The following ZNF385D variants were observed in gnomAD, a reference collection of about 807,000 sequenced individuals.
The protein encoded by ZNF385D is zinc finger protein 659.
ZNF385D carries 15 observed loss-of-function variants against 35.8 expected under a neutral mutation model. That is an observed-to-expected ratio of 0.42 (90% CI 0.28 to 0.64). The LOEUF is 0.64. ZNF385D is among the 30% of genes least tolerant of loss of function. The pLI, the probability that ZNF385D is intolerant of heterozygous loss-of-function variation, is 0.23. For missense variants in ZNF385D, 474 were observed against 494.6 expected (o/e 0.96, Z 0.39); for synonymous variants, 212 against 186.8 (o/e 1.13, Z -1.10).
intron 4 of ZNF385D, among the ~76,000 whole-genome samples, chr3:21,492,797 A>AAATAAAT (rs1470068124): frequency 1.3e-5 from 2 of 150,926 alleles, no homozygotes; most frequent in African/African-American, 4.9e-5. Flanking sequence ...ATAAATAAAT[A>AAATAAAT]AATAAATAAA....
intron 2 of ZNF385D, among the ~76,000 whole-genome samples, chr3:22,236,772 ATGCTGGGCAT>A (rs1699207460): frequency 6.6e-6 from 1 of 152,144 alleles, no homozygotes; most frequent in Non-Finnish European, 1.5e-5. Context: ...AGATTGGTTT[ATGCTGGGCAT>A]TTTATATAAA....
intron 3 of ZNF385D, among the ~76,000 whole-genome samples, chr3:21,779,701 G>T (rs541334547): frequency 2.0e-5 from 3 of 151,930 alleles, no homozygotes; most frequent in Admixed American, 6.6e-5. Context: ...CATTTACTAT[G>T]GTACAGTAAA....
At chr3:21,882,744 G>A (rs1031941451) in intron 3 of ZNF385D, among the ~76,000 whole-genome samples, 1 of 151,930 alleles carries the variant, frequency 6.6e-6, no homozygotes, top group Non-Finnish European at 1.5e-5. Flanking sequence ...TAATAATTTA[G>A]CTTTCAATTT....
At chr3:21,925,022 G>A (rs1278634757) in intron 3 of ZNF385D, among the ~76,000 whole-genome samples, 5 of 152,086 alleles carry the variant, frequency 3.3e-5, no homozygotes, top group Admixed American at 1.3e-4. Flanking sequence ...AAAATAAGTG[G>A]AGGTACATAC....
chr3:21,923,531 C>G (rs1575926093), intron 3 of ZNF385D, among the ~76,000 whole-genome samples: 1 of 152,106 alleles, frequency 6.6e-6, no homozygotes, highest in South Asian at 2.1e-4. Context: ...GAAAACAAAT[C>G]ATTCTATCAA....
intron 2 of ZNF385D, among the ~76,000 whole-genome samples, chr3:22,338,307 T>G (rs563700196): frequency 3.9e-5 from 6 of 152,174 alleles, no homozygotes; most frequent in Non-Finnish European, 2.9e-5. Context: ...AAGATTTTGG[T>G]GAGTATATGA....
At chr3:22,073,214 A>C (rs1164628075) in intron 3 of ZNF385D, among the ~76,000 whole-genome samples, 1 of 152,002 alleles carries the variant, frequency 6.6e-6, no homozygotes, top group African/African-American at 2.4e-5. Flanking sequence ...CAAATAATTA[A>C]TTAAAATCAT....
chr3:22,334,549 T>G (rs1007066456), intron 2 of ZNF385D, among the ~76,000 whole-genome samples: 3 of 152,156 alleles, frequency 2.0e-5, no homozygotes, highest in African/African-American at 7.2e-5. Flanking sequence ...GTGCGTGTTC[T>G]GGTGATGAAT....
At chr3:21,536,904 A>G (rs1485551721) in intron 3 of ZNF385D, among the ~76,000 whole-genome samples, 1 of 151,936 alleles carries the variant, frequency 6.6e-6, no homozygotes, top group Non-Finnish European at 1.5e-5. Context: ...CAGAGAGAAG[A>G]GTCACTGCAA....
chr3:21,904,374 T>C lies in ZNF385D; in HGVS notation c.326-239346A>G, dbSNP rs139183698. On this transcript the variant is annotated intron_variant, in intron 3 of 5. Transcript: ENST00000494108. The stretch of plus-strand genomic sequence containing the variant: ...ATGCATTTTAACTATGAAGAGTATA[T>C]ATTTTTCTGCTTGTTTCAACAAAAT... Among the ~76,000 whole-genome samples, 140 of 150,746 alleles carry C rather than the reference T, an allele frequency of 9.3e-4. 1 individual carries two copies. Among genetic ancestry groups the C allele is most frequent in the African/African-American group, 3.0e-3 (123 of 41,022 alleles).
intron 3 of ZNF385D, among the ~76,000 whole-genome samples, chr3:21,876,589 G>T (rs1418603436): frequency 6.6e-6 from 1 of 151,846 alleles, no homozygotes; most frequent in Non-Finnish European, 1.5e-5. Flanking sequence ...TATGTCTCAT[G>T]CCTTGTGCTC....
intron 4 of ZNF385D, among the ~76,000 whole-genome samples, chr3:21,448,463 A>T (rs1328713250): frequency 6.6e-6 from 1 of 152,162 alleles, no homozygotes; most frequent in African/African-American, 2.4e-5. Context: ...TGATTTCTTG[A>T]TAGAATTTCT....
In ZNF385D at chr3:21,680,738, G is replaced by A. The variant is rs139042584; in HGVS notation, c.23-15710C>T. 4.6e-5 allele frequency among the ~76,000 whole-genome samples: 7 copies of A among 152,198 alleles called. No individual in the cohort carries two copies. The East Asian group carries it at 7.7e-4, about 17-fold the overall frequency. On this transcript the variant is annotated intron_variant, in intron 1 of 7. Transcript: ENST00000281523. ...ATTTTAGATGGCATATTGGCACTGG[G>A]GAAATCTTGATAACAACTGTTTATG...
chr3:22,135,062 G>C (rs1704025439), intron 3 of ZNF385D, among the ~76,000 whole-genome samples: 1 of 152,070 alleles, frequency 6.6e-6, no homozygotes, highest in Non-Finnish European at 1.5e-5. Context: ...TAACCAGAAA[G>C]AAAACAGGAA....
chr3:21,901,012 T>G lies in ZNF385D; in HGVS notation c.326-235984A>C, dbSNP rs1028064669. Among the ~76,000 whole-genome samples, 9 of 152,352 alleles carry G rather than the reference T, an allele frequency of 5.9e-5. No individual in the cohort carries two copies. The South Asian group carries it at 1.0e-3, about 18-fold the overall frequency. On this transcript the variant is annotated intron_variant, in intron 3 of 5. Coordinates refer to the ZNF385D transcript ENST00000494108. Reference sequence around the variant, plus strand: ...GCATCCATGCCTGTGCTCTTCCTACTGTAATCTTGGTATTGCCCTTGGATG... The same window carrying G: ...GCATCCATGCCTGTGCTCTTCCTACGGTAATCTTGGTATTGCCCTTGGATG...
intron 2 of ZNF385D, among the ~76,000 whole-genome samples, chr3:21,585,620 T>C (rs1046749903): frequency 6.6e-6 from 1 of 152,194 alleles, no homozygotes; most frequent in African/African-American, 2.4e-5. Flanking sequence ...TCCAGGATAG[T>C]GATGTTAACT....
At chr3:22,034,599 G>A (rs1286141881) in intron 3 of ZNF385D, among the ~76,000 whole-genome samples, 1 of 152,070 alleles carries the variant, frequency 6.6e-6, no homozygotes, top group Non-Finnish European at 1.5e-5. Flanking sequence ...ATATATTTAA[G>A]ACATTGTACA....
intron 3 of ZNF385D, among the ~76,000 whole-genome samples, chr3:21,893,114 G>T (rs148564683): frequency 2.0e-5 from 3 of 152,146 alleles, no homozygotes; most frequent in Non-Finnish European, 4.4e-5. Context: ...TATCAAGTAA[G>T]TCACGTAACC....
At chr3:22,017,680 T>C (rs905138625) in intron 3 of ZNF385D, among the ~76,000 whole-genome samples, 2 of 152,016 alleles carry the variant, frequency 1.3e-5, no homozygotes, top group African/African-American at 2.4e-5. Context: ...TTAAATTGAA[T>C]TGTAAAGTGG....
Sources: gnomAD v4.1 joint callset for allele counts (sites outside exome capture counted in the v4.1 genomes callset) on GRCh38, gnomAD v4.1.1 for gene constraint, MANE v1.5 for transcripts, NCBI Gene and HGNC (gene_info 2026-07-23, HGNC 2026-07-21) for gene names.